The following OR10A6 variants were observed in gnomAD, a reference collection of about 807,000 sequenced individuals.
The protein encoded by OR10A6 is olfactory receptor family 10 subfamily A member 6 (gene/pseudogene).
A neutral mutation model predicts 1.5 loss-of-function variants in OR10A6; 2 were observed. The ratio of observed to expected loss-of-function variants is 1.31; its 90% CI spans 0.54 to 4.13. OR10A6 has a LOEUF of 4.13. Ranked by LOEUF, OR10A6 falls within the 30% of genes most tolerant of loss-of-function variation. The probability of loss-of-function intolerance (pLI) is 0.07; values close to 1 mark genes in which losing one functional copy is unlikely to be tolerated. For missense variants in OR10A6, 492 were observed against 368.6 expected (o/e 1.33, Z -2.74); for synonymous variants, 169 against 137.3 (o/e 1.23, Z -1.61).
In OR10A6 at chr11:7,929,966, G is replaced by GTATATATATGTATATGTATATATATATA. The variant is rs58402229; in HGVS notation, c.-1305_-1304insTATATATATATACATATACATATATATA. 2 of 57,216 alleles carry GTATATATATGTATATGTATATATATATA rather than the reference G, an allele frequency of 3.5e-5. No homozygotes were observed. The highest frequency in any genetic ancestry group is 7.0e-4 in the South Asian group (1 of 1,432). The allele number at this position is 57,216 out of a possible 1,614,324, so 3.5% of individuals were successfully genotyped here. A position where few individuals can be genotyped will look rare whatever the true frequency, so the allele number is the denominator to read the frequency against. The stretch of plus-strand genomic sequence containing the variant: ...TCTAGTAAGGTATGTGTATGTGTAT[G>GTATATATATGTATATGTATATATATATA]TATATATATATATATATATATATAT... On this transcript the variant is annotated 5_prime_UTR_variant, in exon 4 of 4. Coordinates refer to ENST00000641238, the MANE Select transcript of OR10A6 (RefSeq NM_001004461.2).
chr11:7,927,376 G>C lies in OR10A6; in HGVS notation c.*342C>G, dbSNP rs1859422963. 1 of 204,290 alleles carries C rather than the reference G, an allele frequency of 4.9e-6. No homozygotes were observed. Among genetic ancestry groups the C allele is most frequent in the Admixed American group, 5.7e-5 (1 of 17,418 alleles). 12.7% of individuals were successfully genotyped at this position (204,290 alleles called of 1,614,324 possible). Reference sequence around the variant, plus strand: ...TTTTGACCCTTCAAACCTACTTTGTGAAAGCTATTCTGTAAAAATTAAAGC... The same window carrying C: ...TTTTGACCCTTCAAACCTACTTTGTCAAAGCTATTCTGTAAAAATTAAAGC... On this transcript the variant is annotated 3_prime_UTR_variant, in exon 4 of 4. Coordinates refer to ENST00000641238, the MANE Select transcript of OR10A6 (RefSeq NM_001004461.2).
chr11:7,927,579 A>T lies in OR10A6; in HGVS notation c.*139T>A. 1.7e-6 allele frequency: 1 copy of T among 587,566 alleles called. No homozygotes were observed. The highest frequency in any genetic ancestry group is 3.0e-6 in the Non-Finnish European group (1 of 333,026). The allele number at this position is 587,566 out of a possible 1,614,324, so 36.4% of individuals were successfully genotyped here. ...ACATTAACATATAAAGATGCTCCTG[A>T]TATACAATCAAACTTGGAGAACACA... On this transcript the variant is annotated 3_prime_UTR_variant, in exon 4 of 4. Transcript: ENST00000641238.
In OR10A6 at chr11:7,926,495, G is replaced by T. The variant is rs745603896; in HGVS notation, c.*1223C>A. The T allele has an allele frequency of 1.4e-4, 22 of 151,996 alleles. No homozygotes were observed. The highest frequency in any genetic ancestry group is 2.6e-4 in the Non-Finnish European group (18 of 68,000). The allele number at this position is 151,996 out of a possible 1,614,324, so 9.4% of individuals were successfully genotyped here. ...TCTCATGAAATTTCTCTCTTTTTTT[G>T]AAATTCAAATAGATTTGCAACTTCA... On this transcript the variant is annotated 3_prime_UTR_variant, in exon 4 of 4. Coordinates refer to ENST00000641238, the MANE Select transcript of OR10A6 (RefSeq NM_001004461.2).
rs1043381165 is a variant in OR10A6, at chr11:7,924,760, C to G, written c.*2958G>C. The G allele has an allele frequency of 6.6e-6, 1 of 152,128 alleles. No homozygotes were observed. The highest frequency in any genetic ancestry group is 1.5e-5 in the Non-Finnish European group (1 of 68,040). 9.4% of individuals were successfully genotyped at this position (152,128 alleles called of 1,614,324 possible). ...AGGGGCCCTCTAGCTTTCCACTTGG[C>G]CTCTGTAGGGCCTGGCTTTTCTAGT... On this transcript the variant is annotated 3_prime_UTR_variant, in exon 4 of 4. Coordinates refer to ENST00000641238, the MANE Select transcript of OR10A6 (RefSeq NM_001004461.2).
rs147402224 is a variant in OR10A6, at chr11:7,924,961, A to G, written c.*2757T>C. ...GTCCACCTATATATCACTAGTCAGA[A>G]CTGTGTCACAAACCACCCTTGTTCA... On this transcript the variant is annotated 3_prime_UTR_variant, in exon 4 of 4. Coordinates refer to ENST00000641238, the MANE Select transcript of OR10A6 (RefSeq NM_001004461.2). 1 of 152,310 alleles carries G rather than the reference A, an allele frequency of 6.6e-6. No homozygotes were observed. The highest frequency in any genetic ancestry group is 1.5e-5 in the Non-Finnish European group (1 of 68,022). 9.4% of individuals were successfully genotyped at this position (152,310 alleles called of 1,614,324 possible).
rs552823334 is a variant in OR10A6 at position 7,927,365 on chromosome 11, ACCTACTTTG to A, written c.*344_*352del. Reference sequence around the variant, plus strand: ...ACTCACATTTGTTTTGACCCTTCAAACCTACTTTGTGAAAGCTATTCTGTAAAAATTAAA... The same window carrying A: ...ACTCACATTTGTTTTGACCCTTCAAATGAAAGCTATTCTGTAAAAATTAAA... On this transcript the variant is annotated 3_prime_UTR_variant, in exon 4 of 4. Transcript: ENST00000641238. 5.3e-3 allele frequency: 1,019 copies of A among 192,494 alleles called. 8 individuals carry two copies. Among genetic ancestry groups the A allele is most frequent in the Non-Finnish European group, 8.4e-3 (802 of 95,266 alleles). The allele number at this position is 192,494 out of a possible 1,614,324, so 11.9% of individuals were successfully genotyped here.
rs767052949 is a variant in OR10A6 at position 7,929,024 on chromosome 11, C to T, written c.-362G>A. 1.1e-5 allele frequency: 2 copies of T among 188,634 alleles called. No individual in the cohort carries two copies. Among genetic ancestry groups the T allele is most frequent in the Non-Finnish European group, 2.1e-5 (2 of 93,332 alleles). 11.7% of individuals were successfully genotyped at this position (188,634 alleles called of 1,614,324 possible). A position where few individuals can be genotyped will look rare whatever the true frequency, so the allele number is the denominator to read the frequency against. On this transcript the variant is annotated 5_prime_UTR_variant, in exon 4 of 4. It removes an upstream start codon present in the reference 5' UTR. Coordinates refer to ENST00000641238, the MANE Select transcript of OR10A6 (RefSeq NM_001004461.2). ...GTGTTCTTTATTTAACTGAATTTTACATAAATGCAAAACTTAAGACTACAA... is the reference window on the plus strand; with the variant it reads ...GTGTTCTTTATTTAACTGAATTTTATATAAATGCAAAACTTAAGACTACAA...
rs890590196 is a variant in OR10A6, at chr11:7,931,260, C to T, written c.-1973G>A. 6.6e-6 allele frequency: 1 copy of T among 152,152 alleles called. No homozygotes were observed. The highest frequency in any genetic ancestry group is 1.5e-5 in the Non-Finnish European group (1 of 68,024). The allele number at this position is 152,152 out of a possible 1,614,324, so 9.4% of individuals were successfully genotyped here. On this transcript the variant is annotated 5_prime_UTR_variant, in exon 1 of 4. Coordinates refer to ENST00000641238, the MANE Select transcript of OR10A6 (RefSeq NM_001004461.2). The stretch of plus-strand genomic sequence containing the variant: ...CAGAAGATTCACCTGTAGTCAAAAG[C>T]CACCTATTCACAAACACAACTGACT...
chr11:7,928,225 T>C lies in OR10A6; in HGVS notation c.438A>G (p.Ile146Met). The C allele has an allele frequency of 1.2e-6, 2 of 1,611,474 alleles. No homozygotes were observed. The highest frequency in any genetic ancestry group is 1.7e-6 in the Non-Finnish European group (2 of 1,178,696). ...ACATAAAACCTAAGGCCCATGAAAA[T>C]ATAATTAATTTCATAAAAACTCCTT... ...MNKGVFMKLI[I>M]FSWALGFMLG... Residue 146 changes from isoleucine (I) to methionine (M), a missense_variant, in exon 4 of 4, where the codon ATA becomes ATG. Coordinates refer to ENST00000641238, the MANE Select transcript of OR10A6 (RefSeq NM_001004461.2).
In OR10A6 at chr11:7,928,179, AT is replaced by A; in HGVS notation, c.483del (p.Trp162GlyfsTer24). The A allele has an allele frequency of 6.2e-7, 1 of 1,613,490 alleles. No homozygotes were observed. Among genetic ancestry groups the A allele is most frequent in the African/African-American group, 1.3e-5 (1 of 75,036 alleles). ...LGFMLGTVQT[S>X]WVSSFPFCGL... ...CCACAAAAGGGAAAACTAGATACCC[AT>A]GATGTTTGAACAGTACCTAACATAA... is the stretch of plus-strand genomic sequence containing the variant. On this transcript the variant is annotated frameshift_variant, in exon 4 of 4. Transcript: ENST00000641238. LOFTEE classifies it low-confidence loss of function (END_TRUNC).
chr11:7,929,962 G>GTGTA lies in OR10A6; in HGVS notation c.-1301_-1300insTACA, dbSNP rs1433020713. ...AAGCTCTAGTAAGGTATGTGTATGT[G>GTGTA]TATGTATATATATATATATATATAT... On this transcript the variant is annotated 5_prime_UTR_variant, in exon 4 of 4. Coordinates refer to ENST00000641238, the MANE Select transcript of OR10A6 (RefSeq NM_001004461.2). The GTGTA allele has an allele frequency of 6.4e-4, 16 of 24,812 alleles. No individual in the cohort carries two copies. Among genetic ancestry groups the GTGTA allele is most frequent in the African/African-American group, 2.4e-3 (14 of 5,754 alleles). 1.5% of individuals were successfully genotyped at this position (24,812 alleles called of 1,614,324 possible).
In OR10A6 at chr11:7,930,389, T is replaced by C. The variant is rs959330381; in HGVS notation, c.-1727A>G. On this transcript the variant is annotated 5_prime_UTR_variant, in exon 4 of 4. Transcript: ENST00000641238. The stretch of plus-strand genomic sequence containing the variant: ...ACTTGGTGACACCATAAAACTAGAA[T>C]GGAAGCCTACTGCCTTTTGTGTGAT... 25 of 151,946 alleles carry C rather than the reference T, an allele frequency of 1.6e-4. No individual in the cohort carries two copies. The highest frequency in any genetic ancestry group is 1.6e-3 in the Admixed American group (24 of 15,236). 9.4% of individuals were successfully genotyped at this position (151,946 alleles called of 1,614,324 possible).
rs1273801583 is a variant in OR10A6, at chr11:7,929,083, A to C, written c.-421T>G. Reference sequence around the variant, plus strand: ...ATATAAAAAAGCAGATAGATTGAAAAAGATATCTCAACAAATGTGATAATA... The same window carrying C: ...ATATAAAAAAGCAGATAGATTGAAACAGATATCTCAACAAATGTGATAATA... On this transcript the variant is annotated 5_prime_UTR_variant, in exon 4 of 4. Transcript: ENST00000641238. 1 of 157,048 alleles carries C rather than the reference A, an allele frequency of 6.4e-6. No individual in the cohort carries two copies. Among genetic ancestry groups the C allele is most frequent in the African/African-American group, 2.4e-5 (1 of 41,690 alleles). 9.7% of individuals were successfully genotyped at this position (157,048 alleles called of 1,614,324 possible).
intron 3 of OR10A6, 94 bp from the exon 4 acceptor site, chr11:7,930,609 C>T (rs972684423): frequency 2.6e-5 from 4 of 152,000 alleles, no homozygotes; most frequent in Non-Finnish European, 5.9e-5. Flanking sequence ...TATTTAACCA[C>T]AAAAATTGTA....
rs1859507537 is a variant in OR10A6 at position 7,930,096 on chromosome 11, G to A, written c.-1434C>T. On this transcript the variant is annotated 5_prime_UTR_variant, in exon 4 of 4. Coordinates refer to ENST00000641238, the MANE Select transcript of OR10A6 (RefSeq NM_001004461.2). ...TACAACCCTCCCTGGCTCATAATAG[G>A]TTTTAAACCAACATTTTTGAATAAA... 6.7e-6 allele frequency: 1 copy of A among 148,370 alleles called. No homozygotes were observed. The highest frequency in any genetic ancestry group is 2.1e-4 in the South Asian group (1 of 4,668). 9.2% of individuals were successfully genotyped at this position (148,370 alleles called of 1,614,324 possible).
chr11:7,927,681 A>G lies in OR10A6; in HGVS notation c.*37T>C. On this transcript the variant is annotated 3_prime_UTR_variant, in exon 4 of 4. Transcript: ENST00000641238. ...TATTAAATTTAGATTGAATACAGTCATGCAGTGACTAAATCTTACATGGCT... is the reference window on the plus strand; with the variant it reads ...TATTAAATTTAGATTGAATACAGTCGTGCAGTGACTAAATCTTACATGGCT... 1 of 1,354,116 alleles carries G rather than the reference A, an allele frequency of 7.4e-7. No homozygotes were observed. The highest frequency in any genetic ancestry group is 1.1e-6 in the Non-Finnish European group (1 of 951,800). 83.9% of individuals were successfully genotyped at this position (1,354,116 alleles called of 1,614,324 possible).
chr11:7,927,770 T>A lies in OR10A6; in HGVS notation c.893A>T (p.Lys298Met). 1 of 1,613,982 alleles carries A rather than the reference T, an allele frequency of 6.2e-7. No individual in the cohort carries two copies. Among genetic ancestry groups the A allele is most frequent in the Non-Finnish European group, 8.5e-7 (1 of 1,179,914 alleles). The change falls in exon 4 of 4, where the codon AAG becomes ATG. Residue 298 changes from lysine (K) to methionine (M), a missense_variant. Physicochemically the swap from Lys to Met is moderately conservative, Grantham distance 95. Coordinates refer to ENST00000641238, the MANE Select transcript of OR10A6 (RefSeq NM_001004461.2). The stretch of plus-strand genomic sequence containing the variant: ...TCGCCATAATTTCATCAAAGCCCTC[T>A]TCATCTCACTATTTCGCAAACTGTA... ...LIYSLRNSEM[K>M]RALMKLWRRR... is the part of the protein sequence containing the mutation.
Position 7,931,190 on chromosome 11 carries a change from T to C in OR10A6, c.-1910+7A>G, listed in dbSNP as rs1244591144. The C allele has an allele frequency of 1.3e-5, 2 of 152,142 alleles. No individual in the cohort carries two copies. Among genetic ancestry groups the C allele is most frequent in the South Asian group, 2.1e-4 (1 of 4,828 alleles). The allele number at this position is 152,142 out of a possible 1,614,324, so 9.4% of individuals were successfully genotyped here. A position where few individuals can be genotyped will look rare whatever the true frequency, so the allele number is the denominator to read the frequency against. ...AACGCACAGGAGCAGAATATGCACT[T>C]TTTTACCTGTTGACTCTGTCTCTTT... On this transcript the variant is annotated splice_region_variant and intron_variant, in intron 1 of 3. Coordinates refer to ENST00000641238, the MANE Select transcript of OR10A6 (RefSeq NM_001004461.2).
Position 7,927,790 on chromosome 11 carries a change from A to G in OR10A6, c.873T>C (p.Ser291=), listed in dbSNP as rs781500435. 3 of 1,613,852 alleles carry G rather than the reference A, an allele frequency of 1.9e-6. No individual in the cohort carries two copies. Among genetic ancestry groups the G allele is most frequent in the Non-Finnish European group, 2.5e-6 (3 of 1,179,944 alleles). ...LTPLLNLLIY[S]LRNSEMKRAL... is the part of the protein sequence containing the mutation. The stretch of plus-strand genomic sequence containing the variant: ...CCCTCTTCATCTCACTATTTCGCAA[A>G]CTGTAGATAAGCAGATTCAGCAGTG... Residue 291 remains serine, a synonymous_variant, in exon 4 of 4, where the codon AGT becomes AGC. Transcript: ENST00000641238.
Sources: gnomAD v4.1 joint callset for allele counts on GRCh38, gnomAD v4.1.1 for gene constraint, MANE v1.5 for transcripts, NCBI Gene and HGNC (gene_info 2026-07-23, HGNC 2026-07-21) for gene names.